The following UGT1A8 variants were observed in gnomAD, a reference collection of about 807,000 sequenced individuals.
UGT1A8 encodes UDP-glucuronosyltransferase 1A8.
UGT1A8 carries 39 observed loss-of-function variants against 45.3 expected under a neutral mutation model. The observed-to-expected ratio is 0.86, with a 90% confidence interval of 0.67 to 1.12. UGT1A8 has a LOEUF of 1.12. UGT1A8 is among the 50% of genes most tolerant of loss of function. The pLI is 0.00. For missense variants in UGT1A8, 719 were observed against 664.9 expected, an observed-to-expected ratio of 1.08 and a Z score of -0.90; for synonymous variants, 275 against 249.2, an observed-to-expected ratio of 1.10 and a Z score of -0.97.
intron 1 of UGT1A8, among the ~76,000 whole-genome samples, chr2:233,677,770 G>A (rs2074399162): frequency 6.6e-6 from 1 of 152,048 alleles, no homozygotes; most frequent in South Asian, 2.1e-4. Flanking sequence ...GTAGTTTGGA[G>A]ATTTTGCAAA....
intron 1 of UGT1A8, chr2:233,729,458 T>G: frequency 6.2e-7 from 1 of 1,614,110 alleles, no homozygotes; most frequent in Non-Finnish European, 8.5e-7. Flanking sequence ...AAGAAATTTT[T>G]CAGAAGTATG....
In UGT1A8 at chr2:233,772,586, T is replaced by C. The variant is rs370727977; in HGVS notation, c.*27T>C. The C allele has an allele frequency of 3.7e-6, 6 of 1,604,570 alleles. No individual in the cohort carries two copies. The highest frequency in any genetic ancestry group is 5.1e-6 in the Non-Finnish European group (6 of 1,175,016). On this transcript the variant is annotated 3_prime_UTR_variant, in exon 5 of 5. Coordinates refer to ENST00000373450, the MANE Select transcript of UGT1A8 (RefSeq NM_019076.5). Reference sequence around the variant, plus strand: ...AAGTGGGTGGGAAATAAGGTAAAATTTTGAACCATTCCCTAGTCATTTCCA... The same window carrying C: ...AAGTGGGTGGGAAATAAGGTAAAATCTTGAACCATTCCCTAGTCATTTCCA...
chr2:233,655,235 A>G (rs1388674008), intron 1 of UGT1A8, among the ~76,000 whole-genome samples: 1 of 152,216 alleles, frequency 6.6e-6, no homozygotes, highest in East Asian at 1.9e-4. Flanking sequence ...GGCAAAGTCT[A>G]TTATCAGCTA....
chr2:233,668,597 T>C (rs1226156024), intron 1 of UGT1A8, among the ~76,000 whole-genome samples: 2 of 152,226 alleles, frequency 1.3e-5, no homozygotes, highest in Non-Finnish European at 2.9e-5. Flanking sequence ...GGTCAAATGG[T>C]ATTTCTAGTT....
intron 1 of UGT1A8, chr2:233,747,175 C>T (rs1385775895): frequency 1.8e-5 from 28 of 1,599,104 alleles, no homozygotes; most frequent in South Asian, 8.9e-5. Context: ...GGAGGCACAG[C>T]GTGGGGTGGA....
At chr2:233,682,202 G>A in intron 1 of UGT1A8, 2 of 1,614,244 alleles carry the variant, frequency 1.2e-6, no homozygotes, top group Non-Finnish European at 1.7e-6. Context: ...TCAGGACCGG[G>A]AGTTCATGGT....
intron 1 of UGT1A8, among the ~76,000 whole-genome samples, chr2:233,630,708 T>G (rs1470140608): frequency 6.6e-6 from 1 of 151,940 alleles, no homozygotes; most frequent in Admixed American, 6.6e-5. Context: ...ACAGGGGAGA[T>G]GGCACATACT....
intron 1 of UGT1A8, among the ~76,000 whole-genome samples, chr2:233,643,785 C>A (rs2073525797): frequency 6.6e-6 from 1 of 152,100 alleles, no homozygotes. Flanking sequence ...CAGGACTGGG[C>A]CCTTTCTTTT....
At chr2:233,751,144 C>T (rs1237165481) in intron 1 of UGT1A8, among the ~76,000 whole-genome samples, 2 of 151,954 alleles carry the variant, frequency 1.3e-5, no homozygotes, top group Non-Finnish European at 2.9e-5. Context: ...CTGTGGGAGC[C>T]CACTTCTGGC....
intron 1 of UGT1A8, chr2:233,636,466 C>T (rs2073291938): frequency 1.3e-6 from 2 of 1,560,162 alleles, no homozygotes; most frequent in Admixed American, 1.9e-5. Flanking sequence ...ACTTCTTCCG[C>T]CTACTGTATC....
chr2:233,722,032 C>A, intron 1 of UGT1A8: 1 of 244,322 alleles, frequency 4.1e-6, no homozygotes, highest in Non-Finnish European at 8.2e-6. Flanking sequence ...TCTTGAATTG[C>A]ATGATTTTGT....
intron 1 of UGT1A8, among the ~76,000 whole-genome samples, chr2:233,622,872 A>G (rs1163395130): frequency 6.6e-6 from 1 of 152,144 alleles, no homozygotes; most frequent in Admixed American, 6.5e-5. Flanking sequence ...CTTACATTTA[A>G]ATCTTTAATC....
At chr2:233,760,902 C>T (rs1400244302) in intron 1 of UGT1A8, 7 of 1,613,974 alleles carry the variant, frequency 4.3e-6, no homozygotes, top group Non-Finnish European at 5.9e-6. Context: ...ATCACATGAC[C>T]TTCCTGCAGC....
intron 1 of UGT1A8, among the ~76,000 whole-genome samples, chr2:233,631,000 G>A (rs373593919): frequency 3.4e-4 from 51 of 151,758 alleles, no homozygotes; most frequent in African/African-American, 9.9e-4. Flanking sequence ...CTCACCCCCC[G>A]ACAGGCCCTG....
At chr2:233,664,430 A>G (rs1238543347) in intron 1 of UGT1A8, among the ~76,000 whole-genome samples, 1 of 152,212 alleles carries the variant, frequency 6.6e-6, no homozygotes, top group African/African-American at 2.4e-5. Flanking sequence ...TTACGTTGCC[A>G]TAAAGGAATG....
chr2:233,625,180 A>G (rs1295882937), intron 1 of UGT1A8, among the ~76,000 whole-genome samples: 3 of 152,158 alleles, frequency 2.0e-5, no homozygotes, highest in South Asian at 2.1e-4. Flanking sequence ...AACATAACAT[A>G]TGAAAAAATG....
chr2:233,760,233 CATAT>C (rs3064744), intron 1 of UGT1A8: 2 of 1,510,040 alleles, frequency 1.3e-6, no homozygotes, highest in African/African-American at 1.4e-5. Context: ...TGGTTTTTGC[CATAT>C]ATATATATAT....
intron 1 of UGT1A8, among the ~76,000 whole-genome samples, chr2:233,687,621 G>T (rs796956620): frequency 6.7e-6 from 1 of 148,232 alleles, no homozygotes; most frequent in South Asian, 2.1e-4. Flanking sequence ...AAGAAAAAAA[G>T]GCTGAGTGTG....
rs1159793731 is a variant in UGT1A8, at chr2:233,751,025, T to C, written c.856-16009T>C. Reference sequence around the variant, plus strand: ...CCAGAATCCCAAATAGTAGATCCAATAGCTTGCACTGTGTGCCTGGAAAAG... The same window carrying C: ...CCAGAATCCCAAATAGTAGATCCAACAGCTTGCACTGTGTGCCTGGAAAAG... On this transcript the variant is annotated intron_variant, in intron 1 of 4. Transcript: ENST00000373450. 8.6e-5 allele frequency among the ~76,000 whole-genome samples: 13 copies of C among 151,868 alleles called. 1 individual carries two copies. Among genetic ancestry groups the C allele is most frequent in the African/African-American group, 2.2e-4 (9 of 41,208 alleles).
Sources: gnomAD v4.1 joint callset for allele counts (sites outside exome capture counted in the v4.1 genomes callset) on GRCh38, gnomAD v4.1.1 for gene constraint, MANE v1.5 for transcripts, NCBI Gene and HGNC (gene_info 2026-07-23, HGNC 2026-07-21) for gene names.